The following B3GALT1 variants were observed in gnomAD, a reference collection of about 807,000 sequenced individuals.
B3GALT1 encodes beta-1,3-galactosyltransferase 1.
In B3GALT1, 10 loss-of-function variants were observed where a neutral mutation model predicts 23.2. The observed-to-expected ratio is 0.43, with a 90% CI of 0.27 to 0.73. The LOEUF (loss-of-function observed/expected upper bound fraction) is 0.73, where lower values mean the gene tolerates loss of function less well. Ranked by LOEUF, B3GALT1 falls within the 30% of genes least tolerant of loss-of-function variation. The pLI, the probability that B3GALT1 is intolerant of heterozygous loss-of-function variation, is 0.21. For synonymous variants in B3GALT1, 156 were observed against 141.5 expected (o/e 1.10, Z -0.73); for missense variants, 299 against 405.4 (o/e 0.74, Z 2.25).
chr2:167,469,215 G>A (rs183663815), intron 1 of B3GALT1, among the ~76,000 whole-genome samples: 3 of 152,284 alleles, frequency 2.0e-5, no homozygotes, highest in Non-Finnish European at 2.9e-5. Context: ...CTGCTAGAGT[G>A]TAAAAACCCT....
At chr2:167,614,508 A>G (rs1685123301) in intron 2 of B3GALT1, among the ~76,000 whole-genome samples, 1 of 151,940 alleles carries the variant, frequency 6.6e-6, no homozygotes, top group Non-Finnish European at 1.5e-5. Context: ...GAGGAAATGC[A>G]AAGTTCTTAG....
intron 1 of B3GALT1, among the ~76,000 whole-genome samples, chr2:167,435,255 G>GT: frequency 6.6e-6 from 1 of 151,472 alleles, no homozygotes; most frequent in East Asian, 1.9e-4. Context: ...TTATATACTT[G>GT]TTTATTACTT....
rs115774440 is a variant in B3GALT1 at position 167,770,710 on chromosome 2, A to T, written c.-351-47962A>T. 6.1e-3 allele frequency among the ~76,000 whole-genome samples: 924 copies of T among 152,020 alleles called. 8 individuals carry two copies. Among genetic ancestry groups the T allele is most frequent in the African/African-American group, 0.021 (877 of 41,460 alleles). On this transcript the variant is annotated intron_variant, in intron 3 of 4. Transcript: ENST00000392690. ...CTTTGCCTTACCCAAGGTCACAAAG[A>T]TTTTTTCTTATATTTTCCTCTAAAA...
intron 1 of B3GALT1, among the ~76,000 whole-genome samples, chr2:167,362,897 C>T (rs1368054663): frequency 6.6e-6 from 1 of 152,110 alleles, no homozygotes; most frequent in Non-Finnish European, 1.5e-5. Context: ...GCCCTGTCAC[C>T]CAGGCTGGAG....
intron 3 of B3GALT1, among the ~76,000 whole-genome samples, chr2:167,732,530 G>A (rs183438449): frequency 1.7e-4 from 26 of 152,340 alleles, no homozygotes; most frequent in East Asian, 1.9e-4. Context: ...CTGGAAATAA[G>A]CTAGTGGGAC....
intron 1 of B3GALT1, among the ~76,000 whole-genome samples, chr2:167,404,708 A>G (rs796382995): frequency 1.5e-4 from 23 of 152,312 alleles, no homozygotes; most frequent in African/African-American, 5.3e-4. Flanking sequence ...TCTATTAACA[A>G]GAGCGTTTTA....
At chr2:167,840,211 G>A (rs1002735638) in intron 4 of B3GALT1, among the ~76,000 whole-genome samples, 1 of 151,504 alleles carries the variant, frequency 6.6e-6, no homozygotes, top group Non-Finnish European at 1.5e-5. Context: ...CTTCTGCACA[G>A]CAAAAGAAAC....
At chr2:167,801,223 T>C (rs533686609) in intron 3 of B3GALT1, among the ~76,000 whole-genome samples, 7 of 152,326 alleles carry the variant, frequency 4.6e-5, no homozygotes, top group Non-Finnish European at 7.4e-5. Flanking sequence ...AGTTGATGTG[T>C]ATTTGTCGTC....
intron 4 of B3GALT1, among the ~76,000 whole-genome samples, chr2:167,852,803 A>C (rs1689929832): frequency 6.6e-6 from 1 of 152,308 alleles, no homozygotes; most frequent in African/African-American, 2.4e-5. Flanking sequence ...ACTCTTGTTG[A>C]AGCTAATACT....
chr2:167,570,534 G>C (rs1455422939), intron 2 of B3GALT1, among the ~76,000 whole-genome samples: 2 of 151,746 alleles, frequency 1.3e-5, no homozygotes, highest in Non-Finnish European at 2.9e-5. Context: ...ATTGTAGTGG[G>C]TAATGAAAAA....
intron 2 of B3GALT1, among the ~76,000 whole-genome samples, chr2:167,568,782 T>TA (rs1684227940): frequency 6.6e-6 from 1 of 152,094 alleles, no homozygotes; most frequent in South Asian, 2.1e-4. Flanking sequence ...ATTTTTTTTT[T>TA]ATCTAAAGAG....
chr2:167,665,032 T>C (rs558197570), intron 3 of B3GALT1, among the ~76,000 whole-genome samples: 44 of 152,036 alleles, frequency 2.9e-4, no homozygotes, highest in Non-Finnish European at 6.0e-4. Context: ...GGCATCCCTG[T>C]CTTGTGCCAG....
At chr2:167,475,713 AG>A (rs1274463806) in intron 1 of B3GALT1, among the ~76,000 whole-genome samples, 1 of 152,094 alleles carries the variant, frequency 6.6e-6, no homozygotes, top group Admixed American at 6.6e-5. Flanking sequence ...CCCACAGATA[AG>A]GGGGTACTAC....
At chr2:167,491,322 G>A (rs992446758) in intron 2 of B3GALT1, among the ~76,000 whole-genome samples, 1 of 152,226 alleles carries the variant, frequency 6.6e-6, no homozygotes, top group Middle Eastern at 3.4e-3. Context: ...TATCATCACA[G>A]GTACCACCTC....
chr2:167,537,825 C>CTTT (rs530916294), intron 2 of B3GALT1, among the ~76,000 whole-genome samples: 10,166 of 132,800 alleles, frequency 0.077, 655 homozygotes, highest in African/African-American at 0.17. Flanking sequence ...GATGCTTGTT[C>CTTT]TTTTTTTTTT....
intron 3 of B3GALT1, among the ~76,000 whole-genome samples, chr2:167,757,301 G>A (rs1687833424): frequency 6.6e-6 from 1 of 152,080 alleles, no homozygotes; most frequent in Non-Finnish European, 1.5e-5. Flanking sequence ...TACTCTGTAT[G>A]CCAACTCTGC....
chr2:167,365,585 T>TACACACAC lies in B3GALT1; in HGVS notation c.-511+72284_-511+72291dup, dbSNP rs10683932. ...TGCATATTCATAATAGAGATACAAATACACACACACACACACACACACACA... is the reference window on the plus strand; with the variant it reads ...TGCATATTCATAATAGAGATACAAATACACACACACACACACACACACACACACACACA... On this transcript the variant is annotated intron_variant, in intron 1 of 4. Transcript: ENST00000392690. Among the ~76,000 whole-genome samples, 386 of 140,466 alleles carry TACACACAC rather than the reference T, an allele frequency of 2.7e-3. 2 individuals are homozygous for TACACACAC. Among genetic ancestry groups the TACACACAC allele is most frequent in the South Asian group, 4.5e-3 (19 of 4,244 alleles). 92.2% of individuals were successfully genotyped at this position (140,466 alleles called of 152,430 possible).
intron 1 of B3GALT1, among the ~76,000 whole-genome samples, chr2:167,424,383 C>A (rs748268053): frequency 2.0e-5 from 3 of 152,296 alleles, no homozygotes; most frequent in Middle Eastern, 3.4e-3. Context: ...GATCAGTGGA[C>A]TGGCAGACGA....
chr2:167,838,722 C>G (rs572618335), intron 4 of B3GALT1, among the ~76,000 whole-genome samples: 2 of 152,360 alleles, frequency 1.3e-5, no homozygotes, highest in Admixed American at 6.5e-5. Context: ...GAGACACAAC[C>G]AAAAAGGAGA....
Sources: gnomAD v4.1 joint callset for allele counts (sites outside exome capture counted in the v4.1 genomes callset) on GRCh38, gnomAD v4.1.1 for gene constraint, MANE v1.5 for transcripts, NCBI Gene and HGNC (gene_info 2026-07-23, HGNC 2026-07-21) for gene names.